Variants in TMCO4 observed in about 807,000 individuals in gnomAD.
TMCO4 encodes transmembrane and coiled-coil domains 4, also known as transmembrane and coiled-coil domain-containing protein 4.
Under a neutral mutation model 64.7 loss-of-function variants are expected in TMCO4, and 58 were observed. The ratio of observed to expected loss-of-function variants is 0.90; its 90% CI spans 0.73 to 1.12. The LOEUF (loss-of-function observed/expected upper bound fraction) is 1.12. Ranked by LOEUF, TMCO4 falls within the 50% of genes most tolerant of loss-of-function variation. The pLI is 0.00. For synonymous variants in TMCO4, 325 were observed against 346.1 expected (o/e 0.94, Z 0.68); for missense variants, 780 against 825.9 (o/e 0.94, Z 0.68).
At chr1:19,751,546 T>C (rs2042017587) in intron 7 of TMCO4, among the ~76,000 whole-genome samples, 1 of 152,158 alleles carries the variant, frequency 6.6e-6, no homozygotes. Context: ...GCAGTGAGCC[T>C]CTGCTGCAGT....
At chr1:19,693,585 C>T (rs1026141622) in intron 15 of TMCO4, among the ~76,000 whole-genome samples, 4 of 152,230 alleles carry the variant, frequency 2.6e-5, no homozygotes, top group Non-Finnish European at 5.9e-5. Flanking sequence ...TGACCATCTG[C>T]CCCTGCACCC....
intron 6 of TMCO4, among the ~76,000 whole-genome samples, chr1:19,767,615 A>C (rs1187455747): frequency 1.3e-5 from 2 of 152,146 alleles, no homozygotes; most frequent in East Asian, 3.9e-4. Context: ...GTGAGGAAAG[A>C]GGGAAAGTTA....
At chr1:19,702,678 T>C (rs1236860006) in intron 13 of TMCO4, among the ~76,000 whole-genome samples, 5 of 152,188 alleles carry the variant, frequency 3.3e-5, no homozygotes, top group African/African-American at 1.2e-4. Context: ...GCAGGGAGAT[T>C]GCTTGAGCCC....
At chr1:19,723,485 A>C (rs946267892) in intron 13 of TMCO4, among the ~76,000 whole-genome samples, 12 of 152,186 alleles carry the variant, frequency 7.9e-5, no homozygotes, top group Non-Finnish European at 2.9e-5. Flanking sequence ...GTCCTAGCTT[A>C]GGTGGCGTTG....
At chr1:19,683,758 CTTTTTTTTTTTTTTTTTT>C (rs531431284) in intron 15 of TMCO4, among the ~76,000 whole-genome samples, 1 of 79,050 alleles carries the variant, frequency 1.3e-5, no homozygotes, top group Non-Finnish European at 2.3e-5. Context: ...TTGTCTGAAG[CTTTTTTTTTTTTTTTTTT>C]TTTTTTTTTT....
intron 6 of TMCO4, among the ~76,000 whole-genome samples, chr1:19,769,106 T>G (rs1005924599): frequency 6.6e-6 from 1 of 151,994 alleles, no homozygotes; most frequent in African/African-American, 2.4e-5. Flanking sequence ...ACCCTCCTCT[T>G]TTAGGGTTCC....
At chr1:19,689,902 C>T (rs1034182273) in intron 15 of TMCO4, among the ~76,000 whole-genome samples, 24 of 152,226 alleles carry the variant, frequency 1.6e-4, no homozygotes, top group Non-Finnish European at 2.8e-4. Flanking sequence ...CCTAGGCAGA[C>T]GGGGTGGGTC....
rs761729038 is a variant in TMCO4 at position 19,694,504 on chromosome 1, A to G, written c.1430T>C (p.Leu477Pro). Residue 477 changes from leucine (L) to proline (P), a missense_variant, in exon 15 of 16, where the codon CTC (leucine) becomes CCC (proline). Physicochemically the swap from Leu to Pro is moderately conservative, Grantham distance 98. Transcript: ENST00000294543. ...CACGGGCTGTAGGCCGGCGACACGG[A>G]GCTGCACCGAGGATGTGCGGTACAC... ...SFVYRTSSVQ[L>P]RVAGLQPVLL... 2 of 1,614,062 alleles carry G rather than the reference A, an allele frequency of 1.2e-6. No individual in the cohort carries two copies. The highest frequency in any genetic ancestry group is 1.7e-6 in the Non-Finnish European group (2 of 1,179,960).
chr1:19,682,517 A>G lies in TMCO4; in HGVS notation c.*523T>C. On this transcript the variant is annotated 3_prime_UTR_variant, in exon 16 of 16. Transcript: ENST00000294543. ...TCTGATTGGATCTCCTAAGAGCAGG[A>G]GTGAGCTGCCTTCTTTGTACCTGCG... 1 of 693,084 alleles carries G rather than the reference A, an allele frequency of 1.4e-6. No individual in the cohort carries two copies. Among genetic ancestry groups the G allele is most frequent in the Non-Finnish European group, 2.7e-6 (1 of 372,212 alleles). 42.9% of individuals were successfully genotyped at this position (693,084 alleles called of 1,614,324 possible).
chr1:19,750,036 GACTA>G (rs2041959029), intron 7 of TMCO4: 1 of 152,152 alleles, frequency 6.6e-6, no homozygotes, highest in East Asian at 1.9e-4. Flanking sequence ...GTATTGTGAG[GACTA>G]AATGAGACAG....
intron 7 of TMCO4, among the ~76,000 whole-genome samples, chr1:19,751,637 T>G (rs1402463340): frequency 1.3e-5 from 2 of 151,682 alleles, no homozygotes; most frequent in Non-Finnish European, 2.9e-5. Flanking sequence ...TTTGTAAGCA[T>G]TTGTTGATTT....
Position 19,682,241 on chromosome 1 carries a change from T to G in TMCO4, c.*799A>C, listed in dbSNP as rs943354427. The G allele has an allele frequency of 2.6e-5, 5 of 189,740 alleles. No individual in the cohort carries two copies. The highest frequency in any genetic ancestry group is 2.7e-4 in the South Asian group (2 of 7,522). The allele number at this position is 189,740 out of a possible 1,614,324, so 11.8% of individuals were successfully genotyped here. ...GGTACATGCTCAAGAAGTGGTAGCT[T>G]CTTCTTATTATTATTTATTGCTGTT... On this transcript the variant is annotated 3_prime_UTR_variant, in exon 16 of 16. Coordinates refer to ENST00000294543, the MANE Select transcript of TMCO4 (RefSeq NM_181719.7).
intron 7 of TMCO4, 103 bp downstream of exon 7, chr1:19,755,531 C>T (rs1239125865): frequency 6.6e-7 from 1 of 1,511,190 alleles, no homozygotes; most frequent in Non-Finnish European, 8.9e-7. Context: ...CTCCTTCCAC[C>T]TCACTACACC....
rs188085693 is a variant in TMCO4 at position 19,768,589 on chromosome 1, C to T, written c.382+1953G>A. 4.6e-5 allele frequency among the ~76,000 whole-genome samples: 7 copies of T among 152,294 alleles called. No individual in the cohort carries two copies. The East Asian group carries it at 7.7e-4, about 17-fold the overall frequency. On this transcript the variant is annotated intron_variant, in intron 6 of 15. Transcript: ENST00000294543. ...CCAACCCTGCCACTCCCTTGGGGGC[C>T]GCCTGGCTGTCTCTGCTACATAAAG...
At chr1:19,797,873 AAGAG>A (rs1557642825) in intron 2 of TMCO4, among the ~76,000 whole-genome samples, 4 of 135,516 alleles carry the variant, frequency 3.0e-5, no homozygotes, top group African/African-American at 9.5e-5. Context: ...AAAAAAAAAA[AAGAG>A]AGAAGAAAGA....
intron 13 of TMCO4, among the ~76,000 whole-genome samples, chr1:19,702,822 T>C (rs537555646): frequency 7.7e-6 from 1 of 129,790 alleles, no homozygotes; most frequent in East Asian, 2.0e-4. Flanking sequence ...AGTACAGAAA[T>C]AGAGAAGCCA....
intron 13 of TMCO4, among the ~76,000 whole-genome samples, chr1:19,719,697 TA>T (rs796106875): frequency 1.3e-5 from 2 of 151,016 alleles, no homozygotes; most frequent in Admixed American, 6.6e-5. Context: ...TCTGGCTAAT[TA>T]AAAAAAAAAT....
Position 19,734,837 on chromosome 1 carries a change from GTTT to G in TMCO4, c.1264+2532_1264+2534del. Among the ~76,000 whole-genome samples, 1 of 152,258 alleles carries G rather than the reference GTTT, an allele frequency of 6.6e-6. No individual in the cohort carries two copies. The highest frequency in any genetic ancestry group is 2.1e-4 in the South Asian group (1 of 4,828). On this transcript the variant is annotated intron_variant, in intron 13 of 15. Transcript: ENST00000294543. This position sits in a 1 kb window ranked among gnomAD's most constrained non-coding sequence, Gnocchi z 4.4. ...CTTGTGGCTTCACCTCTCAGCCTCA[GTTT>G]TCTCATCTGAAGCAGGGAGACTGGT... is the stretch of plus-strand genomic sequence containing the variant.
At chr1:19,699,808 A>G (rs2095259801) in intron 14 of TMCO4, among the ~76,000 whole-genome samples, 1 of 152,250 alleles carries the variant, frequency 6.6e-6, no homozygotes, top group African/African-American at 2.4e-5. Context: ...TACCATGCAC[A>G]CACATACACA....
Sources: allele counts gnomAD v4.1 joint callset (sites outside exome capture counted in the v4.1 genomes callset), GRCh38; gene constraint gnomAD v4.1.1; non-coding constraint Gnocchi (gnomAD v3.1); transcripts MANE v1.5; gene names NCBI Gene and HGNC (gene_info 2026-07-23, HGNC 2026-07-21).